Variants in IGSF22 observed in about 807,000 individuals in gnomAD.
IGSF22 encodes the protein immunoglobulin superfamily, member 22.
Under a neutral mutation model 127.0 loss-of-function variants are expected in IGSF22, and 119 were observed. The ratio of observed to expected loss-of-function variants is 0.94; its 90% CI spans 0.81 to 1.09. The LOEUF (loss-of-function observed/expected upper bound fraction) is 1.09. Among genes scored for constraint, IGSF22 ranks in the 50% least tolerant of loss-of-function variants. IGSF22 has a pLI of 0.00. For synonymous variants in IGSF22, 568 were observed against 664.7 expected (o/e 0.85, Z 2.24); for missense variants, 1,518 against 1,716.6 (o/e 0.88, Z 2.04).
At position 18,706,129 on chromosome 11, in the gene IGSF22, T is replaced by G; in HGVS notation, c.3598A>C (p.Lys1200Gln). ...TCCTTCTTCTCGTAGGGCTTGAGCT[T>G]GGCGCTCAGGTCCTGGACTGCGCGG... ...NKDQIQDLSA[K>Q]LKPYEKKDWR... The change falls in exon 22 of 23, where the codon AAG (lysine) becomes CAG (glutamine). Residue 1200 changes from lysine (K) to glutamine (Q), a missense_variant. Lys to Gln is a moderately conservative substitution (Grantham distance 53). This residue lies in a region of IGSF22 where 1,456 missense variants were observed against 1,644.9 expected (regional missense o/e 0.89). Transcript: ENST00000513874. 1 of 1,542,364 alleles carries G rather than the reference T, an allele frequency of 6.5e-7. No individual in the cohort carries two copies. Among genetic ancestry groups the G allele is most frequent in the South Asian group, 1.2e-5 (1 of 83,984 alleles).
At position 18,711,743 on chromosome 11, in the gene IGSF22, A is replaced by G. The variant is rs377266424; in HGVS notation, c.2398+339T>C. 1.7e-4 allele frequency among the ~76,000 whole-genome samples: 26 copies of G among 152,324 alleles called. No individual in the cohort carries two copies. In the South Asian group the frequency reaches 3.1e-3, roughly 18 times the overall value. On this transcript the variant is annotated intron_variant, in intron 15 of 22. Transcript: ENST00000513874. The stretch of plus-strand genomic sequence containing the variant: ...CAATGTTGTCAAGGATTTTCTGTGG[A>G]GAAAAAGAGTGGTTTCAAGGTTATC...
At chr11:18,717,104 TG>T (rs1564873798) in intron 9 of IGSF22, 104 bp from the exon 10 acceptor site, 1 of 1,284,628 alleles carries the variant, frequency 7.8e-7, no homozygotes, top group Non-Finnish European at 1.1e-6. Context: ...AGCCCATGGC[TG>T]GGGGAAAGCA....
Position 18,719,883 on chromosome 11 carries a change from CA to C in IGSF22, c.528del (p.Ala177LeufsTer49), listed in dbSNP as rs1848537510. The C allele has an allele frequency of 3.7e-6, 6 of 1,614,110 alleles. No homozygotes were observed. The highest frequency in any genetic ancestry group is 4.2e-6 in the Non-Finnish European group (5 of 1,179,988). On this transcript the variant is annotated frameshift_variant, in exon 7 of 23. Coordinates refer to ENST00000513874, the MANE Select transcript of IGSF22 (RefSeq NM_173588.4). LOFTEE classifies it high-confidence loss of function. Reference sequence around the variant, plus strand: ...ACCTTCTTCTGCTTCTTCTTGGGAGCAGGGGGTGCCCTAGGAGAAGGAGGAA... The same window carrying C: ...ACCTTCTTCTGCTTCTTCTTGGGAGCGGGGGTGCCCTAGGAGAAGGAGGAA... ...FKKMLKKRAP[P>X]APKKKQKKVA...
In IGSF22 at chr11:18,716,727, C is replaced by T. The variant is rs758288492; in HGVS notation, c.1246+1G>A. ...CCTTAGGCTCTTGCCCAACCACTCA[C>T]GGTCAACAGTGAGCTGGGCCTTTTG... On this transcript the variant is annotated splice_donor_variant, in intron 10 of 22. Transcript: ENST00000513874. LOFTEE classifies it high-confidence loss of function. This position sits in a 1 kb window ranked among gnomAD's most constrained non-coding sequence, Gnocchi z 4.5. The T allele has an allele frequency of 3.0e-5, 48 of 1,613,092 alleles. No individual in the cohort carries two copies. The highest frequency in any genetic ancestry group is 2.0e-4 in the South Asian group (18 of 91,072).
chr11:18,707,456 G>A (rs1183101142), intron 20 of IGSF22: 26 of 523,910 alleles, frequency 5.0e-5, no homozygotes, highest in African/African-American at 7.6e-5. Flanking sequence ...TGACTATTTC[G>A]TAGAAATAGT....
Position 18,707,145 on chromosome 11 carries a change from T to C in IGSF22, c.3349A>G (p.Asn1117Asp). 6.4e-7 allele frequency: 1 copy of C among 1,551,572 alleles called. No homozygotes were observed. The highest frequency in any genetic ancestry group is 8.7e-7 in the Non-Finnish European group (1 of 1,146,892). ...TCCTCCTGCACATCTGGGCTGTGGTTCCAGGTCAGAGTCACTGTGTTGGGG... is the reference window on the plus strand; with the variant it reads ...TCCTCCTGCACATCTGGGCTGTGGTCCCAGGTCAGAGTCACTGTGTTGGGG... ...EVPNTVTLTW[N>D]HSPDVQEDGE... The change falls in exon 21 of 23, where the codon AAC becomes GAC. Residue 1117 changes from asparagine (N) to aspartate (D), a missense_variant. By Grantham distance (23) the Asn-to-Asp change is conservative. Transcript: ENST00000513874.
intron 6 of IGSF22, 63 bp from the exon 7 acceptor site, chr11:18,719,956 C>T: frequency 1.2e-6 from 2 of 1,611,054 alleles, no homozygotes; most frequent in Non-Finnish European, 8.5e-7. Context: ...AGAAACCCCT[C>T]CCTACTCCAT....
rs1848368262 is a variant in IGSF22 at position 18,712,118 on chromosome 11, G to A, written c.2362C>T (p.Leu788=). Residue 788 remains leucine, a synonymous_variant, in exon 15 of 23, where the codon CTG becomes TTG. Transcript: ENST00000513874. ...CCTGCAAACACTTCTTCTGTCTCCA[G>A]TGGGTCACTCACACCTTCTGAATTG... The part of the protein sequence containing the change: ...AVNSEGVSDP[L]ETEEVFAGNP... The A allele has an allele frequency of 6.4e-7, 1 of 1,551,578 alleles. No homozygotes were observed. Among genetic ancestry groups the A allele is most frequent in the South Asian group, 1.2e-5 (1 of 84,066 alleles).
At position 18,721,688 on chromosome 11, in the gene IGSF22, A is replaced by C. The variant is rs1407980541; in HGVS notation, c.242-17T>G. On this transcript the variant is annotated splice_polypyrimidine_tract_variant and intron_variant, in intron 3 of 22. Coordinates refer to ENST00000513874, the MANE Select transcript of IGSF22 (RefSeq NM_173588.4). ...CTTTGTCCCCTGCGATGAGCACAGG[A>C]CGCGTTTTCGCCTCTTAGCCACCAG... 1.2e-6 allele frequency: 2 copies of C among 1,613,788 alleles called. No homozygotes were observed. Among genetic ancestry groups the C allele is most frequent in the Non-Finnish European group, 1.7e-6 (2 of 1,179,838 alleles).
At chr11:18,723,906 T>C (rs937805016) in intron 2 of IGSF22, among the ~76,000 whole-genome samples, 1 of 152,252 alleles carries the variant, frequency 6.6e-6, no homozygotes, top group African/African-American at 2.4e-5. Flanking sequence ...ATGATTGATC[T>C]TTTCTAAGCT....
chr11:18,719,787 C>T lies in IGSF22; in HGVS notation c.625G>A (p.Glu209Lys). The T allele has an allele frequency of 6.2e-7, 1 of 1,614,186 alleles. No individual in the cohort carries two copies. Among genetic ancestry groups the T allele is most frequent in the Non-Finnish European group, 8.5e-7 (1 of 1,180,040 alleles). Residue 209 changes from glutamate (E) to lysine (K), a missense_variant, in exon 7 of 23, where the codon GAG becomes AAG. By Grantham distance (56) the Glu-to-Lys change is moderately conservative. Transcript: ENST00000513874. ...PKKDFEKVCM[E>K]YGFTDFRGLL... is the part of the protein sequence containing the mutation. ...CCCCGAAAGTCGGTGAAACCATACT[C>T]CATGCACACCTTCTCAAAGTCTTTC...
At chr11:18,706,796 G>A (rs542685594) in intron 21 of IGSF22, 118 bp downstream of exon 21, 26 of 794,420 alleles carry the variant, frequency 3.3e-5, no homozygotes, top group Non-Finnish European at 4.6e-5. Flanking sequence ...GATATTAACC[G>A]TTCTATCTCA....
chr11:18,705,556 C>T (rs1848207870), intron 22 of IGSF22: 1 of 501,114 alleles, frequency 2.0e-6, no homozygotes. Context: ...TTTCTGAAGG[C>T]AGGTCTAGGC....
rs765806752 is a variant in IGSF22 at position 18,716,885 on chromosome 11, A to T, written c.1089T>A (p.Asn363Lys). 4.3e-5 allele frequency: 70 copies of T among 1,614,106 alleles called. No individual in the cohort carries two copies. The highest frequency in any genetic ancestry group is 5.8e-5 in the Non-Finnish European group (69 of 1,180,018). Residue 363 changes from asparagine to lysine, a missense_variant, in exon 10 of 23, where the codon AAT becomes AAA. Around this residue, in one of 3 missense-constraint regions of IGSF22, gnomAD observed 1,456 missense variants for 1,644.9 expected, o/e 0.89. Transcript: ENST00000513874. The surrounding 1 kb of genome is among the most constrained non-coding windows in gnomAD (Gnocchi z 4.5). ...KKEPNFVWKF[N>K]GKELKRDDKY... ...TGTCATCCCTCTTCAGCTCCTTCCC[A>T]TTGAACTTCCACACAAAGTTGGGCT...
intron 22 of IGSF22, 173 bp downstream of exon 22, chr11:18,705,644 G>C (rs1848209832): frequency 3.2e-6 from 2 of 621,410 alleles, no homozygotes; most frequent in Admixed American, 2.9e-5. Flanking sequence ...TATAACAAAT[G>C]ACATCGAAAG....
chr11:18,705,578 T>G, intron 22 of IGSF22: 1 of 560,610 alleles, frequency 1.8e-6, no homozygotes. Flanking sequence ...CACCAAGAGT[T>G]GCAAACCACA....
rs747539946 is a variant in IGSF22 at position 18,707,185 on chromosome 11, C to T, written c.3309G>A (p.Arg1103=). ...CTGTGTTGGGGACTTCCTCAAACAACCGTAGGTTTGTGGGGGGCCGAGGGA... is the reference window on the plus strand; with the variant it reads ...CTGTGTTGGGGACTTCCTCAAACAATCGTAGGTTTGTGGGGGGCCGAGGGA... ...ADFPRPPTNL[R]LFEEVPNTVT... Residue 1103 remains arginine, a synonymous_variant, in exon 21 of 23, where the codon CGG becomes CGA. Transcript: ENST00000513874. 6.5e-7 allele frequency: 1 copy of T among 1,542,254 alleles called. No individual in the cohort carries two copies. Among genetic ancestry groups the T allele is most frequent in the African/African-American group, 1.4e-5 (1 of 72,884 alleles).
chr11:18,720,103 C>T lies in IGSF22; in HGVS notation c.479G>A (p.Gly160Asp). ...CTTTTTGAAGTCCATTTTCTCTTGA[C>T]CTGAGGATAGACAGAGGGACAGGTT... Reference protein sequence around the residue: ...IYTVSLLVTEGQEKMDFKKML... With the variant: ...IYTVSLLVTEDQEKMDFKKML... Residue 160 changes from glycine (G) to aspartate (D), a missense_variant and splice_region_variant, in exon 6 of 23, where the codon GGT becomes GAT. By Grantham distance (94) the Gly-to-Asp change is moderately conservative. Transcript: ENST00000513874. 3 of 1,614,174 alleles carry T rather than the reference C, an allele frequency of 1.9e-6. No homozygotes were observed. The highest frequency in any genetic ancestry group is 2.5e-6 in the Non-Finnish European group (3 of 1,180,024).
At chr11:18,706,208 T>C in intron 21 of IGSF22, 62 bp from the exon 22 acceptor site, 1 of 1,430,490 alleles carries the variant, frequency 7.0e-7, no homozygotes, top group Non-Finnish European at 9.3e-7. Flanking sequence ...ACCACCCACG[T>C]CTTACAGTTC....
Sources: gnomAD v4.1 joint callset for allele counts (sites outside exome capture counted in the v4.1 genomes callset) on GRCh38, gnomAD v4.1.1 for gene constraint, gnomAD v4.1.1 regional missense constraint, Gnocchi (gnomAD v3.1) non-coding constraint, MANE v1.5 for transcripts, NCBI Gene and HGNC (gene_info 2026-07-23, HGNC 2026-07-21) for gene names.